SRGAP3: variants seen among roughly 807,000 people sequenced by gnomAD.
The protein encoded by SRGAP3 is SLIT-ROBO Rho GTPase activating protein 3.
Under a neutral mutation model 121.1 loss-of-function variants are expected in SRGAP3, and 39 were observed. That is an observed-to-expected ratio of 0.32 (90% confidence interval 0.25 to 0.42). SRGAP3 has a LOEUF of 0.42. SRGAP3 is among the 10% of genes least tolerant of loss of function. SRGAP3 has a pLI of 1.00. For missense variants in SRGAP3, 1,213 were observed against 1,470.6 expected (o/e 0.82, Z 2.86); for synonymous variants, 601 against 570.0 (o/e 1.05, Z -0.77).
At chr3:9,329,552 C>A (rs1405779914) in intron 2 of SRGAP3, among the ~76,000 whole-genome samples, 1 of 152,116 alleles carries the variant, frequency 6.6e-6, no homozygotes, top group East Asian at 1.9e-4. Flanking sequence ...GAAATTTCAA[C>A]ACATGGTGTC....
chr3:9,178,940 C>G (rs1386891058), intron 1 of SRGAP3, among the ~76,000 whole-genome samples: 2 of 152,222 alleles, frequency 1.3e-5, no homozygotes, highest in African/African-American at 2.4e-5. Context: ...CCAACTTCAC[C>G]TCCTTTGCTG....
At chr3:9,233,052 A>T (rs952082943) in intron 1 of SRGAP3, among the ~76,000 whole-genome samples, 3 of 152,152 alleles carry the variant, frequency 2.0e-5, no homozygotes, top group South Asian at 4.2e-4. Context: ...ACTGTCCAGG[A>T]CTCTGAATGC....
intron 1 of SRGAP3, among the ~76,000 whole-genome samples, chr3:9,131,415 G>A (rs1336421414): frequency 6.7e-6 from 1 of 148,266 alleles, no homozygotes; most frequent in Non-Finnish European, 1.5e-5. Flanking sequence ...GAGGCCCAGA[G>A]AAGGGGAAGA....
At chr3:9,199,062 C>T (rs943005886) in intron 1 of SRGAP3, among the ~76,000 whole-genome samples, 2 of 150,168 alleles carry the variant, frequency 1.3e-5, no homozygotes, top group East Asian at 1.9e-4. Context: ...CAATATCTGC[C>T]CCCCCTTCCC....
At chr3:9,326,327 T>G (rs1475361032) in intron 2 of SRGAP3, among the ~76,000 whole-genome samples, 1 of 151,898 alleles carries the variant, frequency 6.6e-6, no homozygotes, top group Non-Finnish European at 1.5e-5. Flanking sequence ...GACAATTGAA[T>G]GAAATCCCTT....
chr3:9,003,418 G>A (rs1942874348), intron 18 of SRGAP3, among the ~76,000 whole-genome samples: 1 of 152,132 alleles, frequency 6.6e-6, no homozygotes, highest in South Asian at 2.1e-4. Context: ...GGCAGAGGTT[G>A]CAGTGAGCCA....
At chr3:9,126,618 AAACTAACT>A (rs71049772) in intron 1 of SRGAP3, among the ~76,000 whole-genome samples, 51,571 of 150,678 alleles carry the variant, frequency 0.34, 9,075 homozygotes, top group East Asian at 0.44. Context: ...CCTGTCTCAA[AAACTAACT>A]AACTAACTAA....
intron 1 of SRGAP3, among the ~76,000 whole-genome samples, chr3:9,143,629 T>A (rs557900108): frequency 6.6e-6 from 1 of 152,276 alleles, no homozygotes; most frequent in East Asian, 1.9e-4. Flanking sequence ...TTCCTTTCAT[T>A]GTCTGTGTTT....
chr3:9,220,754 C>T (rs1226927426), intron 1 of SRGAP3, among the ~76,000 whole-genome samples: 1 of 152,102 alleles, frequency 6.6e-6, no homozygotes, highest in Non-Finnish European at 1.5e-5. Context: ...TTGGGTAGCA[C>T]CTAAAGCCAC....
intron 14 of SRGAP3, among the ~76,000 whole-genome samples, chr3:9,022,869 G>C (rs1273367381): frequency 3.9e-5 from 6 of 152,222 alleles, no homozygotes; most frequent in Non-Finnish European, 5.9e-5. Context: ...TTTTGCAGCT[G>C]AGATTTAGTT....
chr3:9,112,824 C>G (rs1452295180), intron 2 of SRGAP3, among the ~76,000 whole-genome samples: 3 of 152,228 alleles, frequency 2.0e-5, no homozygotes, highest in Non-Finnish European at 2.9e-5. Context: ...TTTGTCCCCT[C>G]TCTAGCTTAT....
chr3:8,989,308 A>C (rs1941903680), intron 21 of SRGAP3, among the ~76,000 whole-genome samples: 1 of 152,224 alleles, frequency 6.6e-6, no homozygotes, highest in South Asian at 2.1e-4. Flanking sequence ...GGGGACCAGC[A>C]GCTGGCATGC....
chr3:9,318,766 C>A (rs1455883115), intron 3 of SRGAP3, among the ~76,000 whole-genome samples: 1 of 151,200 alleles, frequency 6.6e-6, no homozygotes, highest in Non-Finnish European at 1.5e-5. Context: ...GTAGTTGTAG[C>A]TACTTAGGAG....
chr3:9,352,446 G>A (rs183820918), intron 1 of SRGAP3, among the ~76,000 whole-genome samples: 2 of 151,938 alleles, frequency 1.3e-5, no homozygotes, highest in East Asian at 1.9e-4. Context: ...GCTAATTTTT[G>A]TATTATTAGT....
chr3:9,020,448 A>T (rs1171464872), intron 14 of SRGAP3, among the ~76,000 whole-genome samples: 1 of 152,096 alleles, frequency 6.6e-6, no homozygotes, highest in Admixed American at 6.5e-5. Flanking sequence ...CAGCCTAAGG[A>T]ATTCAAAAAC....
At chr3:9,080,243 C>A (rs749812266) in intron 3 of SRGAP3, among the ~76,000 whole-genome samples, 156 bp from the exon 4 acceptor site, 10 of 152,158 alleles carry the variant, frequency 6.6e-5, no homozygotes, top group Admixed American at 3.3e-4. Flanking sequence ...AACATAAATT[C>A]CTCAACTATG....
At chr3:8,991,964 T>A (rs1942082240) in intron 20 of SRGAP3, among the ~76,000 whole-genome samples, 1 of 152,204 alleles carries the variant, frequency 6.6e-6, no homozygotes, top group Admixed American at 6.5e-5. Flanking sequence ...ATGGTCCTCC[T>A]AGAAGTCAGG....
chr3:9,008,585 G>A (rs1469373748), intron 18 of SRGAP3, among the ~76,000 whole-genome samples: 1 of 152,114 alleles, frequency 6.6e-6, no homozygotes, highest in East Asian at 1.9e-4. Flanking sequence ...ACTGGAGGTG[G>A]TCGGCAGAAG....
intron 17 of SRGAP3, among the ~76,000 whole-genome samples, chr3:9,011,878 G>C (rs1178740680): frequency 6.6e-6 from 1 of 152,220 alleles, no homozygotes; most frequent in African/African-American, 2.4e-5. Context: ...GAAACAAATA[G>C]GATTAAGAAA....
Sources: allele counts gnomAD v4.1 joint callset (sites outside exome capture counted in the v4.1 genomes callset), GRCh38; gene constraint gnomAD v4.1.1; transcripts MANE v1.5; gene names NCBI Gene and HGNC (gene_info 2026-07-23, HGNC 2026-07-21).